The following ZNRF3 variants were observed in gnomAD, a reference collection of about 807,000 sequenced individuals.
ZNRF3 encodes the protein zinc and ring finger 3, also known as E3 ubiquitin-protein ligase ZNRF3.
In ZNRF3, 23 loss-of-function variants were observed where a neutral mutation model predicts 72.5. The observed-to-expected ratio is 0.32, with a 90% confidence interval of 0.23 to 0.45. ZNRF3 has a LOEUF of 0.45. Ranked by LOEUF, ZNRF3 falls within the 20% of genes least tolerant of loss-of-function variation. The pLI is 1.00. For synonymous variants in ZNRF3, 610 were observed against 545.3 expected (o/e 1.12, Z -1.65); for missense variants, 1,169 against 1,272.1 (o/e 0.92, Z 1.23).
chr22:29,000,306 T>C lies in ZNRF3; in HGVS notation c.426+13105T>C, dbSNP rs150948285. Among the ~76,000 whole-genome samples, 293 of 152,356 alleles carry C rather than the reference T, an allele frequency of 1.9e-3. 2 individuals carry two copies. Among genetic ancestry groups the C allele is most frequent in the African/African-American group, 6.7e-3 (277 of 41,588 alleles). On this transcript the variant is annotated intron_variant, in intron 2 of 8. Transcript: ENST00000544604. The stretch of plus-strand genomic sequence containing the variant: ...GGTATGTGGTCTTTACTATTTCACA[T>C]TAACCTGTTGCTAGAGGTTTTCACA...
intron 1 of ZNRF3, among the ~76,000 whole-genome samples, chr22:28,888,678 G>C (rs1388350117): frequency 6.6e-6 from 1 of 152,188 alleles, no homozygotes. Flanking sequence ...TGCCAAGCAT[G>C]TCATGTTTTG....
intron 2 of ZNRF3, among the ~76,000 whole-genome samples, chr22:29,041,059 G>A (rs982889329): frequency 6.6e-5 from 10 of 152,136 alleles, no homozygotes; most frequent in African/African-American, 1.9e-4. Context: ...AGAAGGCTGG[G>A]TTTGCCTTCT....
rs191675300 is a variant in ZNRF3 at position 28,994,457 on chromosome 22, G to A, written c.426+7256G>A. On this transcript the variant is annotated intron_variant, in intron 2 of 8. Coordinates refer to ENST00000544604, the MANE Select transcript of ZNRF3 (RefSeq NM_001206998.2). ...ACCCACCTCAGCCTCCCAAAGTGCT[G>A]GGATTACAGGCATGAGCCACCGCTC... Among the ~76,000 whole-genome samples, 606 of 152,014 alleles carry A rather than the reference G, an allele frequency of 4.0e-3. 4 individuals are homozygous for A. The highest frequency in any genetic ancestry group is 0.012 in the African/African-American group (515 of 41,460).
intron 2 of ZNRF3, among the ~76,000 whole-genome samples, chr22:29,010,472 C>CAT (rs1434213330): frequency 6.6e-6 from 1 of 152,080 alleles, no homozygotes; most frequent in Non-Finnish European, 1.5e-5. Flanking sequence ...ATTGTATCTA[C>CAT]ATACCACGTT....
chr22:28,961,610 A>C (rs2035360605), intron 1 of ZNRF3, among the ~76,000 whole-genome samples: 1 of 152,224 alleles, frequency 6.6e-6, no homozygotes, highest in Admixed American at 6.5e-5. Flanking sequence ...TTATTAAATA[A>C]GTAGCATTTG....
At chr22:28,894,338 CTTT>C (rs139430) in intron 1 of ZNRF3, among the ~76,000 whole-genome samples, 3 of 139,292 alleles carry the variant, frequency 2.2e-5, no homozygotes, top group Admixed American at 2.2e-4. Flanking sequence ...AAAATACTGG[CTTT>C]TTTTTTTTTT....
At chr22:28,969,218 G>A (rs117559276) in intron 1 of ZNRF3, among the ~76,000 whole-genome samples, 6,691 of 152,268 alleles carry the variant, frequency 0.044, 224 homozygotes, top group Non-Finnish European at 0.067. Flanking sequence ...CACCAGAATA[G>A]AGCTCCCAGC....
At chr22:28,909,747 ATTTTTTTTT>A (rs11432409) in intron 1 of ZNRF3, among the ~76,000 whole-genome samples, 8 of 113,880 alleles carry the variant, frequency 7.0e-5, no homozygotes, top group Non-Finnish European at 1.1e-4. Flanking sequence ...TGCCTGGCTA[ATTTTTTTTT>A]TTTTTTTTTT....
intron 1 of ZNRF3, among the ~76,000 whole-genome samples, chr22:28,957,810 TA>T (rs780734483): frequency 2.0e-5 from 3 of 152,036 alleles, no homozygotes; most frequent in Non-Finnish European, 1.5e-5. Flanking sequence ...GTACCGTGAT[TA>T]GGGGTGGGAA....
rs768768885 is a variant in ZNRF3, at chr22:29,053,561, G to A, written c.2768-18G>A. Reference sequence around the variant, plus strand: ...GTGCCAGCTCCCTCCCCTGATGATTGTTCTCTCTCTTTCCCAGGACCGAGA... The same window carrying A: ...GTGCCAGCTCCCTCCCCTGATGATTATTCTCTCTCTTTCCCAGGACCGAGA... On this transcript the variant is annotated intron_variant, in intron 8 of 8. Transcript: ENST00000544604. 6.2e-6 allele frequency: 10 copies of A among 1,610,390 alleles called. No individual in the cohort carries two copies. The South Asian group carries it at 1.1e-4, about 18-fold the overall frequency.
chr22:28,958,392 C>A (rs1339320351), intron 1 of ZNRF3, among the ~76,000 whole-genome samples: 1 of 152,154 alleles, frequency 6.6e-6, no homozygotes, highest in Non-Finnish European at 1.5e-5. Context: ...TCTCACTCCC[C>A]TCCTTTAGGG....
chr22:29,050,560 G>C lies in ZNRF3; in HGVS notation c.2379G>C (p.Gly793=), dbSNP rs555506537. Residue 793 remains glycine (G), a synonymous_variant, in exon 8 of 9, where the codon GGG becomes GGC. Transcript: ENST00000544604. ...EEKQVARGGG[G]GSGCYTEDYS... is the part of the protein sequence containing the mutation. The stretch of plus-strand genomic sequence containing the variant: ...AGCAGGTGGCCCGCGGGGGCGGAGG[G>C]GGCAGCGGCTGCTACACTGAGGACT... The C allele has an allele frequency of 8.7e-6, 14 of 1,609,600 alleles. No homozygotes were observed. The South Asian group carries it at 1.4e-4, about 16-fold the overall frequency.
At chr22:29,033,291 C>T (rs2036797022) in intron 2 of ZNRF3, among the ~76,000 whole-genome samples, 1 of 138,572 alleles carries the variant, frequency 7.2e-6, no homozygotes, top group Admixed American at 8.1e-5. Context: ...GTGGAGGCTG[C>T]AGTGAGCTAA....
intron 2 of ZNRF3, among the ~76,000 whole-genome samples, chr22:29,014,100 G>A (rs886905843): frequency 1.3e-5 from 2 of 152,000 alleles, no homozygotes; most frequent in African/African-American, 2.4e-5. Flanking sequence ...TGTCCTGGTC[G>A]TTTCTGTGTC....
intron 1 of ZNRF3, among the ~76,000 whole-genome samples, chr22:28,890,884 A>G (rs894195021): frequency 6.6e-6 from 1 of 151,550 alleles, no homozygotes; most frequent in Non-Finnish European, 1.5e-5. Context: ...CAGCTTCCCC[A>G]GTTGCTAGAA....
intron 4 of ZNRF3, 76 bp from the exon 5 acceptor site, chr22:29,044,704 A>C (rs713834): frequency 0.51 from 525,171 of 1,028,168 alleles, 135,036 homozygotes; most frequent in East Asian, 0.57. Context: ...TTATCCTGAC[A>C]AAGCCAAGAT....
chr22:28,965,790 T>C (rs1183255735), intron 1 of ZNRF3, among the ~76,000 whole-genome samples: 1 of 152,180 alleles, frequency 6.6e-6, no homozygotes, highest in East Asian at 1.9e-4. Context: ...GTCTCATAAG[T>C]CAAAGGCCCC....
chr22:28,939,531 T>C (rs2034904564), intron 1 of ZNRF3, among the ~76,000 whole-genome samples: 1 of 151,792 alleles, frequency 6.6e-6, no homozygotes, highest in Non-Finnish European at 1.5e-5. Flanking sequence ...GTCTTTTATC[T>C]CTAAGACCAA....
intron 2 of ZNRF3, among the ~76,000 whole-genome samples, chr22:29,023,287 G>T (rs1050709943): frequency 6.6e-6 from 1 of 152,200 alleles, no homozygotes; most frequent in Non-Finnish European, 1.5e-5. Flanking sequence ...ACAGGAAGCA[G>T]TTGGCTCTGA....
Sources: gnomAD v4.1 joint callset for allele counts (sites outside exome capture counted in the v4.1 genomes callset) on GRCh38, gnomAD v4.1.1 for gene constraint, MANE v1.5 for transcripts, NCBI Gene and HGNC (gene_info 2026-07-23, HGNC 2026-07-21) for gene names.